Variants in TRDN observed in about 807,000 individuals in gnomAD.
The protein encoded by TRDN is triadin.
A neutral mutation model predicts 149.7 loss-of-function variants in TRDN; 161 were observed. The ratio of observed to expected loss-of-function variants is 1.08; its 90% confidence interval spans 0.95 to 1.23. TRDN has a LOEUF of 1.23. TRDN is among the 50% of genes most tolerant of loss of function. TRDN has a pLI of 0.00. For synonymous variants in TRDN, 294 were observed against 250.5 expected (o/e 1.17, Z -1.64); for missense variants, 896 against 823.5 (o/e 1.09, Z -1.08).
At chr6:123,240,655 A>T (rs1217170050) in intron 38 of TRDN, among the ~76,000 whole-genome samples, 1 of 151,934 alleles carries the variant, frequency 6.6e-6, no homozygotes, top group African/African-American at 2.4e-5. Context: ...CATGAATAAC[A>T]TTATTCAAAC....
chr6:123,344,069 C>A (rs569528671), intron 21 of TRDN, among the ~76,000 whole-genome samples: 1 of 152,164 alleles, frequency 6.6e-6, no homozygotes, highest in East Asian at 1.9e-4. Context: ...CAGCACATCA[C>A]CATTCTAGCA....
At chr6:123,262,670 G>A (rs1776813780) in intron 33 of TRDN, among the ~76,000 whole-genome samples, 1 of 152,030 alleles carries the variant, frequency 6.6e-6, no homozygotes, top group Admixed American at 6.6e-5. Flanking sequence ...AAGCCTATTG[G>A]TGTAATTTTT....
At chr6:123,227,569 G>T (rs900508399) in intron 38 of TRDN, among the ~76,000 whole-genome samples, 3 of 151,756 alleles carry the variant, frequency 2.0e-5, no homozygotes, top group Non-Finnish European at 4.4e-5. Flanking sequence ...CAAGTTAATG[G>T]GCAAAACTCA....
intron 38 of TRDN, among the ~76,000 whole-genome samples, chr6:123,232,606 T>A (rs1481127160): frequency 6.6e-6 from 1 of 151,794 alleles, no homozygotes; most frequent in Non-Finnish European, 1.5e-5. Flanking sequence ...TGCAGAGGCA[T>A]GATTGAGGGA....
At chr6:123,473,228 C>A (rs1232532852) in intron 9 of TRDN, among the ~76,000 whole-genome samples, 1 of 151,946 alleles carries the variant, frequency 6.6e-6, no homozygotes, top group African/African-American at 2.4e-5. Context: ...ACTAGAATAA[C>A]CAATACAGAG....
At chr6:123,355,822 C>T (rs531592863) in intron 20 of TRDN, among the ~76,000 whole-genome samples, 268 of 151,784 alleles carry the variant, frequency 1.8e-3, no homozygotes, top group African/African-American at 6.1e-3. Context: ...TGTAAGAGAT[C>T]TTCAAGAACA....
Position 123,378,334 on chromosome 6 carries a change from C to T in TRDN, c.1187-436G>A, listed in dbSNP as rs911654105. 2.6e-5 allele frequency among the ~76,000 whole-genome samples: 4 copies of T among 152,074 alleles called. No individual in the cohort carries two copies. In the East Asian group the frequency reaches 7.7e-4, roughly 29 times the overall value. On this transcript the variant is annotated intron_variant, in intron 16 of 40. Transcript: ENST00000334268. ...TTGTTCTGTTGCCCAAGTTGTAGTG[C>T]AGTGTTATAATTCTAGTTCACTGCA...
Position 123,217,592 on chromosome 6 carries a change from G to C in TRDN, c.*1009C>G, listed in dbSNP as rs1482300435. The stretch of plus-strand genomic sequence containing the variant: ...TGTTATCCATGTCATTGGCACTGAT[G>C]ACCAGTTACCTAAAATACAAGTAAG... On this transcript the variant is annotated 3_prime_UTR_variant, in exon 41 of 41. Transcript: ENST00000334268. The C allele has an allele frequency of 4.6e-5, 7 of 152,050 alleles. No homozygotes were observed. Among genetic ancestry groups the C allele is most frequent in the African/African-American group, 1.7e-4 (7 of 41,524 alleles). 9.4% of individuals were successfully genotyped at this position (152,050 alleles called of 1,614,324 possible).
At chr6:123,328,881 G>A (rs1779562726) in intron 23 of TRDN, among the ~76,000 whole-genome samples, 1 of 152,126 alleles carries the variant, frequency 6.6e-6, no homozygotes, top group Admixed American at 6.6e-5. Context: ...TCTGTTTAAG[G>A]ATCCAGAGCC....
intron 14 of TRDN, among the ~76,000 whole-genome samples, chr6:123,387,351 T>C (rs1281630098): frequency 6.6e-6 from 1 of 152,142 alleles, no homozygotes; most frequent in Non-Finnish European, 1.5e-5. Flanking sequence ...AATAAACCTA[T>C]TAAATGTTAA....
chr6:123,343,166 C>A, intron 21 of TRDN, among the ~76,000 whole-genome samples: 1 of 151,962 alleles, frequency 6.6e-6, no homozygotes, highest in African/African-American at 2.4e-5. Context: ...GTTTACCTCA[C>A]ATTTTATTTT....
At chr6:123,350,961 G>C (rs114427132) in intron 21 of TRDN, 1 of 984,998 alleles carries the variant, frequency 1.0e-6, no homozygotes, top group African/African-American at 1.7e-5. Flanking sequence ...TAAAATTAAT[G>C]AAACTGACAC....
chr6:123,627,071 G>T (rs1785711926), intron 1 of TRDN, among the ~76,000 whole-genome samples: 1 of 151,918 alleles, frequency 6.6e-6, no homozygotes, highest in South Asian at 2.1e-4. Flanking sequence ...TGGGATTACA[G>T]GTGCCTGCCA....
intron 2 of TRDN, among the ~76,000 whole-genome samples, chr6:123,553,985 A>G (rs73536800): frequency 0.039 from 6,012 of 152,240 alleles, 183 homozygotes; most frequent in African/African-American, 0.087. Context: ...TTTACCTCAA[A>G]CATACAATGC....
chr6:123,635,323 A>AACACACACACACACACACACAC (rs141018949), intron 1 of TRDN, among the ~76,000 whole-genome samples: 31 of 147,266 alleles, frequency 2.1e-4, no homozygotes, highest in African/African-American at 7.8e-4. Context: ...CAGAAAAGAA[A>AACACACACACACACACACACAC]ACACACACAC....
At chr6:123,379,971 G>T (rs1781651326) in intron 16 of TRDN, among the ~76,000 whole-genome samples, 1 of 152,042 alleles carries the variant, frequency 6.6e-6, no homozygotes, top group South Asian at 2.1e-4. Context: ...ATATAAAATT[G>T]GGGTGTACCA....
intron 1 of TRDN, among the ~76,000 whole-genome samples, chr6:123,590,766 A>G (rs1004971425): frequency 6.6e-6 from 1 of 152,112 alleles, no homozygotes; most frequent in Non-Finnish European, 1.5e-5. Flanking sequence ...CTGTCTCAAA[A>G]AAAATAATAA....
intron 12 of TRDN, chr6:123,421,459 C>A (rs529817595): frequency 2.0e-5 from 3 of 152,194 alleles, no homozygotes; most frequent in South Asian, 4.1e-4. Flanking sequence ...ATATCAGCTA[C>A]CTGATAGGAA....
intron 14 of TRDN, among the ~76,000 whole-genome samples, chr6:123,384,312 C>T (rs1316406333): frequency 1.3e-5 from 2 of 152,088 alleles, no homozygotes; most frequent in Non-Finnish European, 2.9e-5. Flanking sequence ...TAGTTTGACT[C>T]CACTATACTG....
Sources: gnomAD v4.1 joint callset for allele counts (sites outside exome capture counted in the v4.1 genomes callset) on GRCh38, gnomAD v4.1.1 for gene constraint, MANE v1.5 for transcripts, NCBI Gene and HGNC (gene_info 2026-07-23, HGNC 2026-07-21) for gene names.